P2RX7: variants seen among roughly 807,000 people sequenced by gnomAD.
The protein encoded by P2RX7 is P2X purinoceptor 7.
In P2RX7, 62 loss-of-function variants were observed where a neutral mutation model predicts 71.6. The observed-to-expected ratio is 0.87, with a 90% CI of 0.71 to 1.07. The LOEUF (loss-of-function observed/expected upper bound fraction) is 1.07. P2RX7 is among the 50% of genes least tolerant of loss of function. The probability of loss-of-function intolerance (pLI) is 0.00; values close to 1 mark genes in which losing one functional copy is unlikely to be tolerated. For missense variants in P2RX7, 686 were observed against 748.5 expected, an observed-to-expected ratio of 0.92 and a Z score of 0.97; for synonymous variants, 299 against 283.3, an observed-to-expected ratio of 1.06 and a Z score of -0.56.
intron 3 of P2RX7, 125 bp downstream of exon 3, chr12:121,156,272 C>A (rs902546566): frequency 2.4e-5 from 18 of 745,694 alleles, no homozygotes; most frequent in South Asian, 2.2e-4. Context: ...TGAGCACCTG[C>A]CTCTTTTGTG....
chr12:121,180,569 AC>A, intron 12 of P2RX7, 114 bp downstream of exon 12: 1 of 558,106 alleles, frequency 1.8e-6, no homozygotes, highest in Non-Finnish European at 3.1e-6. Context: ...AAGTAAACAT[AC>A]TCATATAACC....
At position 121,175,686 on chromosome 12, in the gene P2RX7, C is replaced by A. The variant is rs116648817; in HGVS notation, c.972+208C>A. Among the ~76,000 whole-genome samples the A allele has an allele frequency of 8.3e-3, 1,257 of 152,034 alleles. 26 individuals carry two copies. The highest frequency in any genetic ancestry group is 0.029 in the African/African-American group (1,189 of 41,452). The stretch of plus-strand genomic sequence containing the variant: ...CGAGTACAGGAGTGGGCCTGGAAAG[C>A]AATTCTAACATTCGGCTTTAAAAAT... On this transcript the variant is annotated intron_variant, in intron 9 of 12. Transcript: ENST00000328963.
In P2RX7 at chr12:121,172,328, G is replaced by A. The variant is rs117050530; in HGVS notation, c.882-3060G>A. On this transcript the variant is annotated intron_variant, in intron 8 of 12. Coordinates refer to ENST00000328963, the MANE Select transcript of P2RX7 (RefSeq NM_002562.6). ...GCAGTGGCAATGCATGCTTGCTTGC[G>A]AATTAAAAAACAAATCACTGCCTGG... Among the ~76,000 whole-genome samples the A allele has an allele frequency of 2.3e-3, 354 of 152,246 alleles. 1 individual carries two copies. The highest frequency in any genetic ancestry group is 3.8e-3 in the Non-Finnish European group (256 of 68,012).
In P2RX7 at chr12:121,187,108, T is replaced by C. The variant is rs183974898; in HGVS notation, c.*2306T>C. 79 of 152,356 alleles carry C rather than the reference T, an allele frequency of 5.2e-4. 1 individual carries two copies. The East Asian group carries it at 0.011, about 20-fold the overall frequency. The allele number at this position is 152,356 out of a possible 1,614,324, so 9.4% of individuals were successfully genotyped here. A position where few individuals can be genotyped will look rare whatever the true frequency, so the allele number is the denominator to read the frequency against. On this transcript the variant is annotated 3_prime_UTR_variant, in exon 13 of 13. Transcript: ENST00000328963. ...TGCTTCAGGATTTCCTTTTCCTGGT[T>C]TGGTCACTAGAGTTGGCTATTTATC...
rs754238799 is a variant in P2RX7 at position 121,160,964 on chromosome 12, G to T, written c.426G>T (p.Pro142=). 2 of 1,613,052 alleles carry T rather than the reference G, an allele frequency of 1.2e-6. No individual in the cohort carries two copies. The highest frequency in any genetic ancestry group is 1.7e-6 in the Non-Finnish European group (2 of 1,179,030). The part of the protein sequence containing the change: ...DRGCKKGWMD[P]QSKGIQTGRC... ...GTTGTAAAAAGGGATGGATGGACCC[G>T]CAGAGCAAAGGTACCTTCTGTTTCT... The change falls in exon 4 of 13, where the codon CCG becomes CCT. Residue 142 remains proline (P), a synonymous_variant. Transcript: ENST00000328963.
At chr12:121,180,620 C>T (rs1169613238) in intron 12 of P2RX7, among the ~76,000 whole-genome samples, 165 bp downstream of exon 12, 1 of 152,038 alleles carries the variant, frequency 6.6e-6, no homozygotes, top group Non-Finnish European at 1.5e-5. Flanking sequence ...TAGCAGGAGT[C>T]CCTTTTATGC....
intron 1 of P2RX7, among the ~76,000 whole-genome samples, chr12:121,153,169 AG>A (rs1238472295): frequency 6.6e-6 from 1 of 152,188 alleles, no homozygotes; most frequent in Non-Finnish European, 1.5e-5. Context: ...CCTAGTCTCC[AG>A]GGATGGGACT....
intron 12 of P2RX7, among the ~76,000 whole-genome samples, chr12:121,182,383 C>T (rs372795517): frequency 6.6e-6 from 1 of 152,108 alleles, no homozygotes; most frequent in Non-Finnish European, 1.5e-5. Context: ...TTCTGAAAAA[C>T]GCATCAGTAG....
chr12:121,163,098 G>A (rs575695446), intron 5 of P2RX7, among the ~76,000 whole-genome samples: 2 of 152,088 alleles, frequency 1.3e-5, no homozygotes, highest in Admixed American at 6.6e-5. Flanking sequence ...AAGCCACAAG[G>A]GCTGATGTAT....
chr12:121,176,052 G>A (rs1182899939), intron 9 of P2RX7, among the ~76,000 whole-genome samples: 1 of 152,134 alleles, frequency 6.6e-6, no homozygotes, highest in Non-Finnish European at 1.5e-5. Flanking sequence ...TTGCCAGAAG[G>A]TTCAGCAAAG....
intron 1 of P2RX7, among the ~76,000 whole-genome samples, chr12:121,140,340 G>T (rs1003715433): frequency 2.0e-5 from 3 of 152,154 alleles, no homozygotes; most frequent in African/African-American, 7.2e-5. Flanking sequence ...CAGTGCATGG[G>T]AAGCCACTGA....
In P2RX7 at chr12:121,172,943, A is replaced by G. The variant is rs974908169; in HGVS notation, c.882-2445A>G. Among the ~76,000 whole-genome samples, 27 of 130,970 alleles carry G rather than the reference A, an allele frequency of 2.1e-4. 1 individual carries two copies. Among genetic ancestry groups the G allele is most frequent in the Admixed American group, 1.5e-3 (22 of 14,222 alleles). 85.9% of individuals were successfully genotyped at this position (130,970 alleles called of 152,430 possible). ...TAAACATGTATATGTAACTTTATCT[A>G]AAAAGAATCATCAAAGTGTGGTGAG... is the stretch of plus-strand genomic sequence containing the variant. On this transcript the variant is annotated intron_variant, in intron 8 of 12. Coordinates refer to ENST00000328963, the MANE Select transcript of P2RX7 (RefSeq NM_002562.6).
chr12:121,163,053 G>T (rs545345241), intron 5 of P2RX7, among the ~76,000 whole-genome samples: 2 of 152,000 alleles, frequency 1.3e-5, no homozygotes, highest in Non-Finnish European at 2.9e-5. Flanking sequence ...TTGATGCTTC[G>T]CTTCAATACA....
intron 3 of P2RX7, among the ~76,000 whole-genome samples, chr12:121,159,417 C>CAAAAAAAAAA (rs397850013): frequency 3.0e-5 from 2 of 65,768 alleles, no homozygotes; most frequent in Non-Finnish European, 2.8e-5. Flanking sequence ...ACTCTGTCTC[C>CAAAAAAAAAA]AAAAAAAAAA....
chr12:121,161,076 G>A, intron 4 of P2RX7, 102 bp downstream of exon 4: 1 of 881,086 alleles, frequency 1.1e-6, no homozygotes, highest in Non-Finnish European at 1.9e-6. Flanking sequence ...GCTCTCAGCT[G>A]CCCTCTTCCA....
chr12:121,143,811 C>A (rs1193294896), intron 1 of P2RX7, among the ~76,000 whole-genome samples: 1 of 152,024 alleles, frequency 6.6e-6, no homozygotes, highest in Non-Finnish European at 1.5e-5. Flanking sequence ...GAGGTCATGG[C>A]ATTGCACTCC....
Position 121,154,682 on chromosome 12 carries a change from G to A in P2RX7, c.126-103G>A. Reference sequence around the variant, plus strand: ...AAGTCACACGGAAGCAAGTCACGCAGCAGAGCTAGGATTGGAACAGAAGTG... The same window carrying A: ...AAGTCACACGGAAGCAAGTCACGCAACAGAGCTAGGATTGGAACAGAAGTG... On this transcript the variant is annotated intron_variant, in intron 1 of 12. Coordinates refer to ENST00000328963, the MANE Select transcript of P2RX7 (RefSeq NM_002562.6). This position sits in a 1 kb window ranked among gnomAD's most constrained non-coding sequence, Gnocchi z 4.2. The A allele has an allele frequency of 1.3e-6, 1 of 789,164 alleles. No homozygotes were observed. The highest frequency in any genetic ancestry group is 2.3e-6 in the Non-Finnish European group (1 of 437,470). The allele number at this position is 789,164 out of a possible 1,614,324, so 48.9% of individuals were successfully genotyped here. A position where few individuals can be genotyped will look rare whatever the true frequency, so the allele number is the denominator to read the frequency against.
intron 1 of P2RX7, among the ~76,000 whole-genome samples, chr12:121,139,894 G>A (rs557565105): frequency 6.6e-6 from 1 of 152,208 alleles, no homozygotes; most frequent in East Asian, 1.9e-4. Flanking sequence ...ACTACACCCA[G>A]ATAATGTCTG....
At chr12:121,148,981 T>C in intron 1 of P2RX7, 1 of 481,978 alleles carries the variant, frequency 2.1e-6, no homozygotes, top group Non-Finnish European at 4.1e-6. Flanking sequence ...AGCCCTTTGA[T>C]GTTACCTTTG....
Sources: gnomAD v4.1 joint callset for allele counts (sites outside exome capture counted in the v4.1 genomes callset) on GRCh38, gnomAD v4.1.1 for gene constraint, Gnocchi (gnomAD v3.1) non-coding constraint, MANE v1.5 for transcripts, NCBI Gene and HGNC (gene_info 2026-07-23, HGNC 2026-07-21) for gene names.